SLC25A35: variants seen among roughly 807,000 people sequenced by gnomAD.
SLC25A35 encodes solute carrier family 25, member 35.
SLC25A35 carries 32 observed loss-of-function variants against 30.5 expected under a neutral mutation model. That is an observed-to-expected ratio of 1.05 (90% confidence interval 0.79 to 1.41). The LOEUF (loss-of-function observed/expected upper bound fraction) is 1.41, where lower values mean the gene tolerates loss of function less well. Ranked by LOEUF, SLC25A35 falls within the 40% of genes most tolerant of loss-of-function variation. SLC25A35 has a pLI of 0.00. For missense variants in SLC25A35, 369 were observed against 388.0 expected, an observed-to-expected ratio of 0.95 and a Z score of 0.41; for synonymous variants, 142 against 158.1, an observed-to-expected ratio of 0.90 and a Z score of 0.77.
In SLC25A35 at chr17:8,290,101, C is replaced by G; in HGVS notation, c.*404G>C. 1.3e-6 allele frequency: 2 copies of G among 1,506,914 alleles called. No individual in the cohort carries two copies. The allele number at this position is 1,506,914 out of a possible 1,614,324, so 93.3% of individuals were successfully genotyped here. A position where few individuals can be genotyped will look rare whatever the true frequency, so the allele number is the denominator to read the frequency against. On this transcript the variant is annotated 3_prime_UTR_variant, in exon 5 of 5. Transcript: ENST00000577745. ...CTTTATAATCAATATAATCTCTGTG[C>G]CTTTGAATCTAACAGGACACCTGGG...
chr17:8,290,540 G>A lies in SLC25A35; in HGVS notation c.868C>T (p.Gln290Ter), dbSNP rs2151613265. 1.3e-6 allele frequency: 2 copies of A among 1,536,112 alleles called. No homozygotes were observed. The highest frequency in any genetic ancestry group is 2.4e-5 in the South Asian group (2 of 84,052). The change falls in exon 5 of 5, where the codon CAG becomes TAG. Residue 290 changes from glutamine (Q) to a stop codon, truncating the protein, a stop_gained. Transcript: ENST00000577745. LOFTEE classifies it high-confidence loss of function. Reference protein sequence around the residue: ...HTILSLFFWDQLRSLYYTDTK With the variant: ...HTILSLFFWD ...TCTGTGTAGTAGAGGGAGCGCAGCT[G>A]GTCCCAGAAGAAGAGGGAGAGGATG... is the stretch of plus-strand genomic sequence containing the variant.
rs565831127 is a variant in SLC25A35 at position 8,294,304 on chromosome 17, C to A, written c.375+129G>T. 295 of 956,524 alleles carry A rather than the reference C, an allele frequency of 3.1e-4. 3 individuals carry two copies. Among genetic ancestry groups the A allele is most frequent in the Middle Eastern group, 3.4e-4 (1 of 2,972 alleles). The allele number at this position is 956,524 out of a possible 1,614,324, so 59.3% of individuals were successfully genotyped here. On this transcript the variant is annotated intron_variant, in intron 1 of 4. Transcript: ENST00000577745. ...ATCAGAAGACTCCGAAGCCTACCAG[C>A]ACTTTCCTGATGCCTTTCCCTGCTT...
intron 1 of SLC25A35, among the ~76,000 whole-genome samples, chr17:8,293,120 T>C (rs990554683): frequency 6.6e-6 from 1 of 152,162 alleles, no homozygotes; most frequent in Non-Finnish European, 1.5e-5. Flanking sequence ...TACTTCCCCG[T>C]CTCTTTTGCT....
intron 1 of SLC25A35, 46 bp from the exon 2 acceptor site, chr17:8,292,634 C>T: frequency 6.3e-7 from 1 of 1,579,198 alleles, no homozygotes; most frequent in Non-Finnish European, 8.7e-7. Flanking sequence ...TGGCCATCCT[C>T]CTACCTGAGA....
intron 1 of SLC25A35, among the ~76,000 whole-genome samples, chr17:8,293,687 G>T (rs1471446095): frequency 6.6e-6 from 1 of 150,812 alleles, no homozygotes; most frequent in Non-Finnish European, 1.5e-5. Context: ...GAGTAGCTGG[G>T]ACTACAGGCG....
chr17:8,287,832 A>T (rs1990197595), downstream of SLC25A35: 1 of 151,708 alleles, frequency 6.6e-6, no homozygotes, highest in South Asian at 2.1e-4. Context: ...GTGGGGTTGC[A>T]CCTGCCCGGG....
intron 1 of SLC25A35, among the ~76,000 whole-genome samples, chr17:8,293,200 C>G (rs1990623196): frequency 6.6e-6 from 1 of 152,328 alleles, no homozygotes; most frequent in East Asian, 1.9e-4. Flanking sequence ...GTCACTTCCC[C>G]TTTCTGGGCC....
At position 8,292,458 on chromosome 17, in the gene SLC25A35, A is replaced by G. The variant is rs1990577761; in HGVS notation, c.441+65T>C. ...GGCTGGGATTGGATCTGTTGGGTGCAGGCAGAAAGCTAGGGGAAAAGAGAA... is the reference window on the plus strand; with the variant it reads ...GGCTGGGATTGGATCTGTTGGGTGCGGGCAGAAAGCTAGGGGAAAAGAGAA... On this transcript the variant is annotated intron_variant, in intron 2 of 4. Coordinates refer to ENST00000577745, the MANE Select transcript of SLC25A35 (RefSeq NM_001320870.2). 2.7e-6 allele frequency: 4 copies of G among 1,503,268 alleles called. No homozygotes were observed. The East Asian group carries it at 9.0e-5, about 34-fold the overall frequency. 93.1% of individuals were successfully genotyped at this position (1,503,268 alleles called of 1,614,324 possible). A position where few individuals can be genotyped will look rare whatever the true frequency, so the allele number is the denominator to read the frequency against.
At chr17:8,292,471 G>T in intron 2 of SLC25A35, 52 bp downstream of exon 2, 1 of 1,564,208 alleles carries the variant, frequency 6.4e-7, no homozygotes, top group Non-Finnish European at 8.8e-7. Flanking sequence ...CAGAAAGCTA[G>T]GGGAAAAGAG....
downstream of SLC25A35, chr17:8,289,588 C>T (rs765772294): frequency 1.1e-5 from 18 of 1,611,812 alleles, no homozygotes; most frequent in South Asian, 1.1e-4. Flanking sequence ...AATCAGCCCC[C>T]GTAAGGAGGA....
chr17:8,289,529 G>A, downstream of SLC25A35: 1 of 1,614,184 alleles, frequency 6.2e-7, no homozygotes. Flanking sequence ...CACTTCATCA[G>A]GCCTTGCTGA....
chr17:8,290,786 G>A lies in SLC25A35; in HGVS notation c.729+56C>T, dbSNP rs573042986. 8.4e-5 allele frequency: 134 copies of A among 1,604,664 alleles called. No homozygotes were observed. The African/African-American group carries it at 1.5e-3, about 18-fold the overall frequency. On this transcript the variant is annotated intron_variant, in intron 4 of 4. Coordinates refer to ENST00000577745, the MANE Select transcript of SLC25A35 (RefSeq NM_001320870.2). The stretch of plus-strand genomic sequence containing the variant: ...ATTTCAGGCTATCCCACCTGCACCC[G>A]CAATCTGCCTTCCCCATCCCCTGCT...
downstream of SLC25A35, chr17:8,288,757 C>T (rs377036244): frequency 8.7e-6 from 14 of 1,612,172 alleles, no homozygotes; most frequent in East Asian, 1.6e-4. Flanking sequence ...TCTTTTAAAC[C>T]TTTCTAATGC....
At chr17:8,289,222 G>T (rs778199887), downstream of SLC25A35, 1 of 1,610,594 alleles carries the variant, frequency 6.2e-7, no homozygotes, top group East Asian at 2.2e-5. Context: ...GAGGCGACCA[G>T]AGATGTCCCT....
downstream of SLC25A35, chr17:8,289,118 A>G (rs1164086669): frequency 2.5e-6 from 4 of 1,604,898 alleles, no homozygotes; most frequent in South Asian, 1.1e-5. Context: ...GCGGGGTCGG[A>G]CCAGTGGGCG....
chr17:8,294,459 C>A lies in SLC25A35; in HGVS notation c.349G>T (p.Ala117Ser). The A allele has an allele frequency of 6.3e-7, 1 of 1,592,476 alleles. No individual in the cohort carries two copies. The highest frequency in any genetic ancestry group is 8.5e-7 in the Non-Finnish European group (1 of 1,169,654). The change falls in exon 1 of 5, where the codon GCC becomes TCC. Residue 117 changes from alanine to serine, a missense_variant. Transcript: ENST00000577745. Reference protein sequence around the residue: ...AAGAMAGVMGAYLGSPIYMVK... With the variant: ...AAGAMAGVMGSYLGSPIYMVK... ...ATGTAGATGGGGCTCCCCAAGTAGG[C>A]TCCCATGACCCCAGCCATGGCCCCA...
rs1322418462 is a variant in SLC25A35 at position 8,294,544 on chromosome 17, C to A, written c.264G>T (p.Glu88Asp). 6.2e-7 allele frequency: 1 copy of A among 1,613,970 alleles called. No homozygotes were observed. The change falls in exon 1 of 5, where the codon GAG becomes GAT. Residue 88 changes from glutamate to aspartate, a missense_variant. By Grantham distance (45) the Glu-to-Asp change is conservative. Coordinates refer to ENST00000577745, the MANE Select transcript of SLC25A35 (RefSeq NM_001320870.2). The part of the protein sequence containing the change: ...GIRLGTYGLA[E>D]AGGYLHTAEG... ...CGGCTGTGTGCAGGTAGCCCCCAGC[C>A]TCAGCCAGCCCATAGGTGCCCAGTC...
rs933462033 is a variant in SLC25A35, at chr17:8,294,906, G to A, written c.-99C>T. On this transcript the variant is annotated 5_prime_UTR_variant, in exon 1 of 5. Transcript: ENST00000577745. ...GACAGGGGGAAGGCCTGTTTCAGCA[G>A]TACAGGTTGCAGAAGATAAGAATTT... 8.0e-6 allele frequency: 12 copies of A among 1,495,680 alleles called. No homozygotes were observed. The highest frequency in any genetic ancestry group is 1.1e-5 in the Non-Finnish European group (12 of 1,128,118). The allele number at this position is 1,495,680 out of a possible 1,614,324, so 92.7% of individuals were successfully genotyped here.
Position 8,294,603 on chromosome 17 carries a change from CG to C in SLC25A35, c.204del (p.Ala69ProfsTer7). On this transcript the variant is annotated frameshift_variant, in exon 1 of 5. Coordinates refer to ENST00000577745, the MANE Select transcript of SLC25A35 (RefSeq NM_001320870.2). LOFTEE classifies it high-confidence loss of function. ...GLAALQKGLA[P>X]ALLYQFLMNG... ...TTCATCAGGAACTGGTACAAGAGGG[CG>C]GGGGCCAGGCCTTTCTGCAGGGCAG... 2 of 1,614,150 alleles carry C rather than the reference CG, an allele frequency of 1.2e-6. No homozygotes were observed. Among genetic ancestry groups the C allele is most frequent in the Non-Finnish European group, 1.7e-6 (2 of 1,180,026 alleles).
Sources: gnomAD v4.1 joint callset for allele counts (sites outside exome capture counted in the v4.1 genomes callset) on GRCh38, gnomAD v4.1.1 for gene constraint, MANE v1.5 for transcripts, NCBI Gene and HGNC (gene_info 2026-07-23, HGNC 2026-07-21) for gene names.